The following CSNK1A1 variants were observed in gnomAD, a reference collection of about 807,000 sequenced individuals.
CSNK1A1 encodes the protein casein kinase I isoform alpha.
In CSNK1A1, 7 loss-of-function variants were observed where a neutral mutation model predicts 46.1. The ratio of observed to expected loss-of-function variants is 0.15; its 90% confidence interval spans 0.09 to 0.29. CSNK1A1 has a LOEUF of 0.29. Ranked by LOEUF, CSNK1A1 falls within the 10% of genes least tolerant of loss-of-function variation. The pLI is 1.00. For synonymous variants in CSNK1A1, 137 were observed against 141.5 expected, an observed-to-expected ratio of 0.97 and a Z score of 0.23; for missense variants, 96 against 417.1, an observed-to-expected ratio of 0.23 and a Z score of 6.71.
rs546370776 is a variant in CSNK1A1, at chr5:149,508,813, C to A, written c.750+1066G>T. The stretch of plus-strand genomic sequence containing the variant: ...AGGTTCTATTGAAAATGTTTACCTG[C>A]CCTGTTTATTTACCCCTAGTTTTCA... On this transcript the variant is annotated intron_variant, in intron 7 of 9. Coordinates refer to ENST00000377843, the MANE Select transcript of CSNK1A1 (RefSeq NM_001892.6). Among the ~76,000 whole-genome samples, 282 of 152,280 alleles carry A rather than the reference C, an allele frequency of 1.9e-3. 1 individual carries two copies. The highest frequency in any genetic ancestry group is 2.9e-3 in the Non-Finnish European group (196 of 68,022).
intron 2 of CSNK1A1, among the ~76,000 whole-genome samples, chr5:149,547,998 G>A (rs1254636240): frequency 6.6e-6 from 1 of 151,986 alleles, no homozygotes; most frequent in African/African-American, 2.4e-5. Context: ...AGCCTCCCGA[G>A]TAGCTGGGAT....
intron 3 of CSNK1A1, among the ~76,000 whole-genome samples, chr5:149,520,943 T>C (rs1213749856): frequency 2.0e-5 from 3 of 152,196 alleles, no homozygotes; most frequent in African/African-American, 7.2e-5. Context: ...AACATGCCAT[T>C]CTTAAAAGCT....
chr5:149,532,119 T>C (rs1366526496), intron 2 of CSNK1A1, among the ~76,000 whole-genome samples: 1 of 152,096 alleles, frequency 6.6e-6, no homozygotes, highest in Non-Finnish European at 1.5e-5. Flanking sequence ...CCTCACGTGA[T>C]CCGCCTGCCT....
rs1760581940 is a variant in CSNK1A1, at chr5:149,493,653, A to G, written c.*3200T>C. On this transcript the variant is annotated 3_prime_UTR_variant, in exon 10 of 10. Transcript: ENST00000377843. ...AAAAAAAAAGATTGTCATTAAGAAT[A>G]TTACAATAGAAATGGAAGTTTTGAG... 1 of 152,100 alleles carries G rather than the reference A, an allele frequency of 6.6e-6. No homozygotes were observed. Among genetic ancestry groups the G allele is most frequent in the Admixed American group, 6.6e-5 (1 of 15,262 alleles). 9.4% of individuals were successfully genotyped at this position (152,100 alleles called of 1,614,324 possible).
At chr5:149,545,508 G>C in intron 2 of CSNK1A1, 1 of 630,742 alleles carries the variant, frequency 1.6e-6, no homozygotes, top group Non-Finnish European at 2.9e-6. Context: ...TGAGCCCCTT[G>C]GCAATGCGGA....
chr5:149,549,558 GA>G (rs1762591370), intron 2 of CSNK1A1: 3 of 699,624 alleles, frequency 4.3e-6, no homozygotes, highest in South Asian at 1.5e-5. Context: ...CTCAAGCTGA[GA>G]AAAGGGCAGG....
At chr5:149,540,472 T>A (rs186691719) in intron 2 of CSNK1A1, among the ~76,000 whole-genome samples, 210 of 152,300 alleles carry the variant, frequency 1.4e-3, no homozygotes, top group African/African-American at 4.7e-3. Flanking sequence ...ATACCATATT[T>A]ACTACCATCA....
chr5:149,499,959 CTTTTTTTCTTTTTTTT>C (rs1760773570), intron 9 of CSNK1A1, among the ~76,000 whole-genome samples: 3 of 70,790 alleles, frequency 4.2e-5, no homozygotes, highest in African/African-American at 1.3e-4. Context: ...GGTTTTTTTT[CTTTTTTTCTTTTTTTT>C]TTTTTTTTTT....
intron 2 of CSNK1A1, among the ~76,000 whole-genome samples, chr5:149,542,197 C>T (rs1288475811): frequency 6.6e-6 from 1 of 151,852 alleles, no homozygotes; most frequent in Non-Finnish European, 1.5e-5. Context: ...AACTGCACAT[C>T]AGAGGGATCT....
chr5:149,502,763 T>C, intron 9 of CSNK1A1: 3 of 983,470 alleles, frequency 3.1e-6, no homozygotes, highest in Non-Finnish European at 3.6e-6. Flanking sequence ...TTGAGCTGTA[T>C]GAGTTCCTTT....
At chr5:149,546,285 A>G (rs1762480903) in intron 2 of CSNK1A1, among the ~76,000 whole-genome samples, 3 of 152,122 alleles carry the variant, frequency 2.0e-5, no homozygotes, top group Admixed American at 6.5e-5. Flanking sequence ...TCAGCAGGTC[A>G]TCTACGCAGG....
At chr5:149,544,893 TGGCG>T (rs1231517959) in intron 2 of CSNK1A1, among the ~76,000 whole-genome samples, 2 of 151,188 alleles carry the variant, frequency 1.3e-5, no homozygotes, top group Non-Finnish European at 2.9e-5. Flanking sequence ...CCCAGCACTT[TGGCG>T]GGCCGAGGTG....
intron 6 of CSNK1A1, among the ~76,000 whole-genome samples, chr5:149,510,709 G>T (rs2113084865): frequency 6.6e-6 from 1 of 151,968 alleles, no homozygotes; most frequent in Admixed American, 6.6e-5. Context: ...GAACTCCTGG[G>T]CTCAAGTGAT....
At position 149,495,788 on chromosome 5, in the gene CSNK1A1, C is replaced by G. The variant is rs1294537230; in HGVS notation, c.*1065G>C. The G allele has an allele frequency of 1.3e-5, 2 of 151,270 alleles. No individual in the cohort carries two copies. Among genetic ancestry groups the G allele is most frequent in the Admixed American group, 6.6e-5 (1 of 15,136 alleles). The allele number at this position is 151,270 out of a possible 1,614,324, so 9.4% of individuals were successfully genotyped here. ...AGAAAAAAATGAAAGAATGCCTTTC[C>G]CCTTCAGACAAAAGAATTACTTTTT... is the stretch of plus-strand genomic sequence containing the variant. On this transcript the variant is annotated 3_prime_UTR_variant, in exon 10 of 10. Transcript: ENST00000377843.
At chr5:149,505,736 A>G (rs1761000641) in intron 8 of CSNK1A1, 141 bp from the exon 9 acceptor site, 1 of 676,704 alleles carries the variant, frequency 1.5e-6, no homozygotes, top group Non-Finnish European at 2.4e-6. Context: ...AATATTTCTT[A>G]TTATAGATGA....
In CSNK1A1 at chr5:149,503,690, C is replaced by T. The variant is rs543204299; in HGVS notation, c.1006+1757G>A. 2.8e-4 allele frequency: 280 copies of T among 985,418 alleles called. 4 individuals are homozygous for T. The South Asian group carries it at 0.012, about 41-fold the overall frequency. The allele number at this position is 985,418 out of a possible 1,614,324, so 61.0% of individuals were successfully genotyped here. On this transcript the variant is annotated intron_variant, in intron 9 of 9. Transcript: ENST00000377843. ...GAAACTAACTCAGTGGATCCAACTT[C>T]TCATCTTTAAGACATGGATAGGGCA...
rs1193768174 is a variant in CSNK1A1 at position 149,493,792 on chromosome 5, ACAC to A, written c.*3058_*3060del. 6.6e-6 allele frequency: 1 copy of A among 152,246 alleles called. No individual in the cohort carries two copies. The highest frequency in any genetic ancestry group is 2.4e-5 in the African/African-American group (1 of 41,466). 9.4% of individuals were successfully genotyped at this position (152,246 alleles called of 1,614,324 possible). On this transcript the variant is annotated 3_prime_UTR_variant, in exon 10 of 10. Transcript: ENST00000377843. The stretch of plus-strand genomic sequence containing the variant: ...CCAGGACACACATATTGATCTGCTG[ACAC>A]CACTTCTTTACTATACTTCATATAG...
intron 9 of CSNK1A1, chr5:149,502,073 A>G: frequency 1.0e-6 from 1 of 984,254 alleles, no homozygotes; most frequent in Non-Finnish European, 1.2e-6. Context: ...TCTGCCTATT[A>G]TTTAATAGGC....
rs1055406443 is a variant in CSNK1A1, at chr5:149,493,031, T to TA, written c.*3821dup. On this transcript the variant is annotated 3_prime_UTR_variant, in exon 10 of 10. Transcript: ENST00000377843. ...ATAATTGACACAGATTTAGCAAGTA[T>TA]AATCCTTCAAGTGGCTCCTGTGCCC... 1.8e-4 allele frequency: 27 copies of TA among 152,348 alleles called. No individual in the cohort carries two copies. The highest frequency in any genetic ancestry group is 6.5e-4 in the African/African-American group (27 of 41,586). 9.4% of individuals were successfully genotyped at this position (152,348 alleles called of 1,614,324 possible).
Sources: gnomAD v4.1 joint callset for allele counts (sites outside exome capture counted in the v4.1 genomes callset) on GRCh38, gnomAD v4.1.1 for gene constraint, MANE v1.5 for transcripts, NCBI Gene and HGNC (gene_info 2026-07-23, HGNC 2026-07-21) for gene names.